Variants in RPRM observed in about 807,000 individuals in gnomAD.
RPRM encodes protein reprimo.
In RPRM, 3 loss-of-function variants were observed where a neutral mutation model predicts 5.2. The ratio of observed to expected loss-of-function variants is 0.58; its 90% confidence interval spans 0.26 to 1.50. The LOEUF (loss-of-function observed/expected upper bound fraction) is 1.50, where lower values mean the gene tolerates loss of function less well. Ranked by LOEUF, RPRM falls within the 40% of genes most tolerant of loss-of-function variation. RPRM has a pLI of 0.13. For synonymous variants in RPRM, 70 were observed against 69.9 expected, an observed-to-expected ratio of 1.00 and a Z score of -0.01; for missense variants, 135 against 154.5, an observed-to-expected ratio of 0.87 and a Z score of 0.67.
At position 153,478,240 on chromosome 2, in the gene RPRM, T is replaced by G; in HGVS notation, c.326A>C (p.Tyr109Ser). Reference sequence around the variant, plus strand: ...GCCGCGGGGGCAGAGGGCGGGTCAGTAGGGCCCCACGACCACCGCCTCCAC... The same window carrying G: ...GCCGCGGGGGCAGAGGGCGGGTCAGGAGGGCCCCACGACCACCGCCTCCAC... ...KEVEAVVVGP[Y>S] Residue 109 changes from tyrosine to serine, a missense_variant, in exon 1 of 1, where the codon TAC (tyrosine) becomes TCC (serine). Coordinates refer to ENST00000325926, the MANE Select transcript of RPRM (RefSeq NM_019845.3). The G allele has an allele frequency of 1.2e-6, 2 of 1,610,380 alleles. No homozygotes were observed. Among genetic ancestry groups the G allele is most frequent in the Non-Finnish European group, 1.7e-6 (2 of 1,178,482 alleles).
chr2:153,478,613 A>C lies in RPRM; in HGVS notation c.-48T>G. Reference sequence around the variant, plus strand: ...GAGCGGCGCGGGTCCGAGGGGTGGGAAGGCGGCGGCGCTGGAGGAACAGGT... The same window carrying C: ...GAGCGGCGCGGGTCCGAGGGGTGGGCAGGCGGCGGCGCTGGAGGAACAGGT... On this transcript the variant is annotated 5_prime_UTR_variant, in exon 1 of 1. Coordinates refer to ENST00000325926, the MANE Select transcript of RPRM (RefSeq NM_019845.3). 6.9e-7 allele frequency: 1 copy of C among 1,444,252 alleles called. No individual in the cohort carries two copies. Among genetic ancestry groups the C allele is most frequent in the South Asian group, 1.4e-5 (1 of 70,614 alleles). The allele number at this position is 1,444,252 out of a possible 1,614,324, so 89.5% of individuals were successfully genotyped here. A position where few individuals can be genotyped will look rare whatever the true frequency, so the allele number is the denominator to read the frequency against.
In RPRM at chr2:153,478,338, G is replaced by A. The variant is rs200090187; in HGVS notation, c.228C>T (p.Leu76=). The A allele has an allele frequency of 1.9e-6, 3 of 1,614,180 alleles. No individual in the cohort carries two copies. The highest frequency in any genetic ancestry group is 2.5e-6 in the Non-Finnish European group (3 of 1,180,026). The stretch of plus-strand genomic sequence containing the variant: ...CGGACTTGATGAGCAGATTGCAGCC[G>A]AGGAAGAAGATGCCGAAGACCACGG... The part of the protein sequence containing the change: ...SLTVVFGIFF[L]GCNLLIKSEG... The change falls in exon 1 of 1, where the codon CTC becomes CTT. Residue 76 remains leucine, a synonymous_variant. Coordinates refer to ENST00000325926, the MANE Select transcript of RPRM (RefSeq NM_019845.3).
chr2:153,477,808 T>A lies in RPRM; in HGVS notation c.*428A>T, dbSNP rs576412920. 1.7e-3 allele frequency: 293 copies of A among 173,228 alleles called. No individual in the cohort carries two copies. The highest frequency in any genetic ancestry group is 6.5e-3 in the African/African-American group (273 of 41,784). 10.7% of individuals were successfully genotyped at this position (173,228 alleles called of 1,614,324 possible). On this transcript the variant is annotated 3_prime_UTR_variant, in exon 1 of 1. Coordinates refer to ENST00000325926, the MANE Select transcript of RPRM (RefSeq NM_019845.3). ...ACACGGATTTGTGAGACCCCATGAG[T>A]CTGCTGCGTGGCTTTTAACAGGTCA...
In RPRM at chr2:153,478,487, C is replaced by G. The variant is rs372180804; in HGVS notation, c.79G>C (p.Val27Leu). Residue 27 changes from valine to leucine, a missense_variant, in exon 1 of 1, where the codon GTG becomes CTG. Physicochemically the swap from Val to Leu is conservative, Grantham distance 32. Coordinates refer to ENST00000325926, the MANE Select transcript of RPRM (RefSeq NM_019845.3). ...ACGGACGCCTGGGTGCAGCAGCGCACGGCTCGCTCCAGCGCCTCGCTGCTG... is the reference window on the plus strand; with the variant it reads ...ACGGACGCCTGGGTGCAGCAGCGCAGGGCTCGCTCCAGCGCCTCGCTGCTG... Reference protein sequence around the residue: ...ANSSEALERAVRCCTQASVVT... With the variant: ...ANSSEALERALRCCTQASVVT... 6.2e-7 allele frequency: 1 copy of G among 1,612,406 alleles called. No individual in the cohort carries two copies. The highest frequency in any genetic ancestry group is 8.5e-7 in the Non-Finnish European group (1 of 1,179,578).
Position 153,478,237 on chromosome 2 carries a change from C to T in RPRM, c.329G>A (p.Ter110=). ...GTTGCCGCGGGGGCAGAGGGCGGGT[C>T]AGTAGGGCCCCACGACCACCGCCTC... is the stretch of plus-strand genomic sequence containing the variant. ...EVEAVVVGPY[*] Residue 110 remains the stop codon, a stop_retained_variant, in exon 1 of 1, where the codon TGA becomes TAA. Coordinates refer to ENST00000325926, the MANE Select transcript of RPRM (RefSeq NM_019845.3). The T allele has an allele frequency of 6.2e-7, 1 of 1,609,430 alleles. No homozygotes were observed. The highest frequency in any genetic ancestry group is 1.7e-5 in the Admixed American group (1 of 59,672).
In RPRM at chr2:153,478,142, G is replaced by A; in HGVS notation, c.*94C>T. ...TCGAGAGAAATAATTGACTCCGACA[G>A]GTTTGCTTCGCCCAGTCTCTGATAG... On this transcript the variant is annotated 3_prime_UTR_variant, in exon 1 of 1. Coordinates refer to ENST00000325926, the MANE Select transcript of RPRM (RefSeq NM_019845.3). 1 of 956,610 alleles carries A rather than the reference G, an allele frequency of 1.0e-6. No individual in the cohort carries two copies. Among genetic ancestry groups the A allele is most frequent in the South Asian group, 1.7e-5 (1 of 59,984 alleles). The allele number at this position is 956,610 out of a possible 1,614,324, so 59.3% of individuals were successfully genotyped here. A position where few individuals can be genotyped will look rare whatever the true frequency, so the allele number is the denominator to read the frequency against.
chr2:153,478,387 G>A lies in RPRM; in HGVS notation c.179C>T (p.Ala60Val), dbSNP rs1684190774. ...SLYIMRVVQI[A>V]VMCVLSLTVV... is the part of the protein sequence containing the mutation. Reference sequence around the variant, plus strand: ...GGTGAGTGAGAGCACGCACATGACCGCGATCTGCACCACGCGCATTATGTA... The same window carrying A: ...GGTGAGTGAGAGCACGCACATGACCACGATCTGCACCACGCGCATTATGTA... Residue 60 changes from alanine (A) to valine (V), a missense_variant, in exon 1 of 1, where the codon GCG becomes GTG. Transcript: ENST00000325926. 6.2e-7 allele frequency: 1 copy of A among 1,614,170 alleles called. No individual in the cohort carries two copies. The highest frequency in any genetic ancestry group is 8.5e-7 in the Non-Finnish European group (1 of 1,180,020).
In RPRM at chr2:153,478,153, C is replaced by T; in HGVS notation, c.*83G>A. 1 of 1,122,254 alleles carries T rather than the reference C, an allele frequency of 8.9e-7. No homozygotes were observed. The highest frequency in any genetic ancestry group is 1.3e-6 in the Non-Finnish European group (1 of 788,498). 69.5% of individuals were successfully genotyped at this position (1,122,254 alleles called of 1,614,324 possible). A position where few individuals can be genotyped will look rare whatever the true frequency, so the allele number is the denominator to read the frequency against. On this transcript the variant is annotated 3_prime_UTR_variant, in exon 1 of 1. Coordinates refer to ENST00000325926, the MANE Select transcript of RPRM (RefSeq NM_019845.3). ...AATTGACTCCGACAGGTTTGCTTCGCCCAGTCTCTGATAGTGAGGGGCACA... is the reference window on the plus strand; with the variant it reads ...AATTGACTCCGACAGGTTTGCTTCGTCCAGTCTCTGATAGTGAGGGGCACA...
Position 153,478,019 on chromosome 2 carries a change from G to A in RPRM, c.*217C>T. 1 of 564,724 alleles carries A rather than the reference G, an allele frequency of 1.8e-6. No individual in the cohort carries two copies. The highest frequency in any genetic ancestry group is 3.1e-6 in the Non-Finnish European group (1 of 317,998). The allele number at this position is 564,724 out of a possible 1,614,324, so 35.0% of individuals were successfully genotyped here. A position where few individuals can be genotyped will look rare whatever the true frequency, so the allele number is the denominator to read the frequency against. ...AATCGCCCTCTTCTTGCCACTTTCT[G>A]CTGAGTTCAGAGTCTGGGCGCTCTC... is the stretch of plus-strand genomic sequence containing the variant. On this transcript the variant is annotated 3_prime_UTR_variant, in exon 1 of 1. Transcript: ENST00000325926.
chr2:153,478,650 C>T lies in RPRM; in HGVS notation c.-85G>A. 1 of 1,131,382 alleles carries T rather than the reference C, an allele frequency of 8.8e-7. No individual in the cohort carries two copies. The highest frequency in any genetic ancestry group is 1.2e-6 in the Non-Finnish European group (1 of 808,186). The allele number at this position is 1,131,382 out of a possible 1,614,324, so 70.1% of individuals were successfully genotyped here. ...CTGGAGGAACAGGTGCCGGGCTGAG[C>T]GCTCACTCGCAGACTAGCGCGTGCG... On this transcript the variant is annotated 5_prime_UTR_variant, in exon 1 of 1. Coordinates refer to ENST00000325926, the MANE Select transcript of RPRM (RefSeq NM_019845.3).
Position 153,478,353 on chromosome 2 carries a change from G to A in RPRM, c.213C>T (p.Phe71=). 2 of 1,614,158 alleles carry A rather than the reference G, an allele frequency of 1.2e-6. No homozygotes were observed. The highest frequency in any genetic ancestry group is 8.5e-7 in the Non-Finnish European group (1 of 1,180,004). Residue 71 remains phenylalanine, a synonymous_variant, in exon 1 of 1, where the codon TTC becomes TTT. Coordinates refer to ENST00000325926, the MANE Select transcript of RPRM (RefSeq NM_019845.3). ...VMCVLSLTVV[F]GIFFLGCNLL... is the part of the protein sequence containing the mutation. ...GATTGCAGCCGAGGAAGAAGATGCC[G>A]AAGACCACGGTGAGTGAGAGCACGC...
Position 153,478,207 on chromosome 2 carries a change from G to A in RPRM, c.*29C>T, listed in dbSNP as rs1558903279. The A allele has an allele frequency of 2.5e-6, 4 of 1,576,614 alleles. No individual in the cohort carries two copies. The Admixed American group carries it at 5.2e-5, about 20-fold the overall frequency. ...GGGCTAGCAAAGTGGGCAGGCGTGGGAGCGGTTGCCGCGGGGGCAGAGGGC... is the reference window on the plus strand; with the variant it reads ...GGGCTAGCAAAGTGGGCAGGCGTGGAAGCGGTTGCCGCGGGGGCAGAGGGC... On this transcript the variant is annotated 3_prime_UTR_variant, in exon 1 of 1. Transcript: ENST00000325926.
chr2:153,477,607 CTG>C lies in RPRM; in HGVS notation c.*627_*628del, dbSNP rs929288608. 24 of 140,094 alleles carry C rather than the reference CTG, an allele frequency of 1.7e-4. No homozygotes were observed. Among genetic ancestry groups the C allele is most frequent in the African/African-American group, 6.0e-4 (23 of 38,494 alleles). The allele number at this position is 140,094 out of a possible 1,614,324, so 8.7% of individuals were successfully genotyped here. A position where few individuals can be genotyped will look rare whatever the true frequency, so the allele number is the denominator to read the frequency against. ...CACCCCTTCTCCCACAATGACAAAA[CTG>C]TAACTCCTCAGGCAGGCAAACAGGC... On this transcript the variant is annotated 3_prime_UTR_variant, in exon 1 of 1. Coordinates refer to ENST00000325926, the MANE Select transcript of RPRM (RefSeq NM_019845.3).
At position 153,478,083 on chromosome 2, in the gene RPRM, G is replaced by A. The variant is rs532948570; in HGVS notation, c.*153C>T. On this transcript the variant is annotated 3_prime_UTR_variant, in exon 1 of 1. Transcript: ENST00000325926. The stretch of plus-strand genomic sequence containing the variant: ...GCATGAGGACTTTCAGAGGGCGAGG[G>A]AGAAACCGGTCGCTTCTTTCCGAAA... 8.6e-5 allele frequency: 56 copies of A among 649,226 alleles called. No individual in the cohort carries two copies. The East Asian group carries it at 1.4e-3, about 17-fold the overall frequency. 40.2% of individuals were successfully genotyped at this position (649,226 alleles called of 1,614,324 possible).
rs534952692 is a variant in RPRM, at chr2:153,477,740, C to T, written c.*496G>A. On this transcript the variant is annotated 3_prime_UTR_variant, in exon 1 of 1. Coordinates refer to ENST00000325926, the MANE Select transcript of RPRM (RefSeq NM_019845.3). ...CAAAGGTATTTATCGCCCCTCCCCT[C>T]CAGGGCAGGGGGGGAGCAGGAGAAG... The T allele has an allele frequency of 6.4e-6, 1 of 156,656 alleles. No homozygotes were observed. The highest frequency in any genetic ancestry group is 2.0e-4 in the South Asian group (1 of 4,938). The allele number at this position is 156,656 out of a possible 1,614,324, so 9.7% of individuals were successfully genotyped here. A position where few individuals can be genotyped will look rare whatever the true frequency, so the allele number is the denominator to read the frequency against.
In RPRM at chr2:153,477,589, T is replaced by G. The variant is rs1211649484; in HGVS notation, c.*647A>C. 1.1e-5 allele frequency: 1 copy of G among 92,588 alleles called. No individual in the cohort carries two copies. The highest frequency in any genetic ancestry group is 2.2e-5 in the Non-Finnish European group (1 of 46,356). 5.7% of individuals were successfully genotyped at this position (92,588 alleles called of 1,614,324 possible). A position where few individuals can be genotyped will look rare whatever the true frequency, so the allele number is the denominator to read the frequency against. On this transcript the variant is annotated 3_prime_UTR_variant, in exon 1 of 1. Transcript: ENST00000325926. ...GCAGGCTCCCCCTCCCCCCACCCCTTCTCCCACAATGACAAAACTGTAACT... is the reference window on the plus strand; with the variant it reads ...GCAGGCTCCCCCTCCCCCCACCCCTGCTCCCACAATGACAAAACTGTAACT...
At position 153,478,413 on chromosome 2, in the gene RPRM, C is replaced by G. The variant is rs771486219; in HGVS notation, c.153G>C (p.Leu51=). Residue 51 remains leucine (L), a synonymous_variant, in exon 1 of 1, where the codon CTG becomes CTC. Transcript: ENST00000325926. ...FAEGGPDERS[L]YIMRVVQIAV... ...CGATCTGCACCACGCGCATTATGTA[C>G]AGGCTACGCTCGTCCGGGCCTCCCT... is the stretch of plus-strand genomic sequence containing the variant. 4 of 1,614,126 alleles carry G rather than the reference C, an allele frequency of 2.5e-6. No individual in the cohort carries two copies.
rs1189533600 is a variant in RPRM, at chr2:153,478,406, T to G, written c.160A>C (p.Met54Leu). ...ATGACCGCGATCTGCACCACGCGCA[T>G]TATGTACAGGCTACGCTCGTCCGGG... is the stretch of plus-strand genomic sequence containing the variant. ...GGPDERSLYI[M>L]RVVQIAVMCV... The change falls in exon 1 of 1, where the codon ATG (methionine) becomes CTG (leucine). Residue 54 changes from methionine (M) to leucine (L), a missense_variant. By Grantham distance (15) the Met-to-Leu change is conservative. Coordinates refer to ENST00000325926, the MANE Select transcript of RPRM (RefSeq NM_019845.3). 1.2e-6 allele frequency: 2 copies of G among 1,614,032 alleles called. No homozygotes were observed. Among genetic ancestry groups the G allele is most frequent in the Non-Finnish European group, 1.7e-6 (2 of 1,180,018 alleles).
In RPRM at chr2:153,477,934, T is replaced by G. The variant is rs946316145; in HGVS notation, c.*302A>C. The stretch of plus-strand genomic sequence containing the variant: ...GCCCACCTGCGGGTGGAGAAGGGCC[T>G]TCGCACCGTCGGTCTCCCCGCATTC... On this transcript the variant is annotated 3_prime_UTR_variant, in exon 1 of 1. Coordinates refer to ENST00000325926, the MANE Select transcript of RPRM (RefSeq NM_019845.3). 2.1e-4 allele frequency: 87 copies of G among 414,496 alleles called. No individual in the cohort carries two copies. The highest frequency in any genetic ancestry group is 2.6e-4 in the Non-Finnish European group (59 of 228,336). The allele number at this position is 414,496 out of a possible 1,614,324, so 25.7% of individuals were successfully genotyped here. A position where few individuals can be genotyped will look rare whatever the true frequency, so the allele number is the denominator to read the frequency against.
Sources: allele counts gnomAD v4.1 joint callset, GRCh38; gene constraint gnomAD v4.1.1; transcripts MANE v1.5; gene names NCBI Gene and HGNC (gene_info 2026-07-23, HGNC 2026-07-21).